PRLR: variants seen among roughly 807,000 people sequenced by gnomAD.
PRLR encodes the protein prolactin receptor.
In PRLR, 13 loss-of-function variants were observed where a neutral mutation model predicts 40.2. That is an observed-to-expected ratio of 0.32 (90% CI 0.21 to 0.51). The LOEUF (loss-of-function observed/expected upper bound fraction) is 0.51, where lower values mean the gene tolerates loss of function less well. Among genes scored for constraint, PRLR ranks in the 20% least tolerant of loss-of-function variants. The pLI, the probability that PRLR is intolerant of heterozygous loss-of-function variation, is 0.97. For missense variants in PRLR, 656 were observed against 747.3 expected (o/e 0.88, Z 1.42); for synonymous variants, 269 against 278.7 (o/e 0.97, Z 0.35).
chr5:35,162,589 G>A (rs995866774), intron 1 of PRLR, among the ~76,000 whole-genome samples: 1 of 152,204 alleles, frequency 6.6e-6, no homozygotes, highest in Admixed American at 6.5e-5. Flanking sequence ...ACTTGGGACT[G>A]CAGTCTCAGA....
intron 1 of PRLR, among the ~76,000 whole-genome samples, chr5:35,224,234 T>G (rs930955790): frequency 3.3e-5 from 5 of 152,348 alleles, no homozygotes; most frequent in Middle Eastern, 3.4e-3. Flanking sequence ...TCCCTGCATG[T>G]GTTTACATAG....
chr5:35,071,622 G>T (rs73091147), intron 6 of PRLR, among the ~76,000 whole-genome samples: 5 of 151,638 alleles, frequency 3.3e-5, no homozygotes, highest in African/African-American at 1.2e-4. Context: ...TTTTTGAGAC[G>T]GAGTCGCTCT....
intron 1 of PRLR, among the ~76,000 whole-genome samples, chr5:35,227,314 G>A (rs1415840022): frequency 6.6e-6 from 1 of 152,194 alleles, no homozygotes; most frequent in Non-Finnish European, 1.5e-5. Context: ...GGAGCACTGG[G>A]TAGTGGAAAA....
chr5:35,159,227 G>C (rs2111897715), intron 1 of PRLR, among the ~76,000 whole-genome samples: 1 of 151,022 alleles, frequency 6.6e-6, no homozygotes, highest in African/African-American at 2.4e-5. Context: ...AGTCACCACT[G>C]TGACAATTTT....
chr5:35,205,078 C>T (rs921761617), intron 1 of PRLR, among the ~76,000 whole-genome samples: 10 of 151,996 alleles, frequency 6.6e-5, no homozygotes, highest in African/African-American at 1.9e-4. Flanking sequence ...AATCGGGAAA[C>T]ATGTTATTTA....
At chr5:35,067,968 T>G (rs1388884759) in intron 9 of PRLR, among the ~76,000 whole-genome samples, 1 of 152,222 alleles carries the variant, frequency 6.6e-6, no homozygotes, top group Non-Finnish European at 1.5e-5. Flanking sequence ...GTAGATCTGA[T>G]AAATCAATAA....
chr5:35,117,424 G>T (rs752029764), intron 2 of PRLR, among the ~76,000 whole-genome samples: 8 of 152,204 alleles, frequency 5.3e-5, no homozygotes, highest in Admixed American at 6.5e-5. Context: ...AGTGGGTCCA[G>T]ATCCCATTTG....
At chr5:35,163,944 G>C (rs543961657) in intron 1 of PRLR, among the ~76,000 whole-genome samples, 22 of 152,314 alleles carry the variant, frequency 1.4e-4, no homozygotes, top group Middle Eastern at 3.4e-3. Context: ...AAAGGTACCA[G>C]GTTAAGGTAG....
At position 35,064,856 on chromosome 5, in the gene PRLR, A is replaced by T; in HGVS notation, c.*233T>A. ...AGTGTGCTTTTATTTCATTGAACACATAGTTTTATAACTAACAGCAAAAAG... is the reference window on the plus strand; with the variant it reads ...AGTGTGCTTTTATTTCATTGAACACTTAGTTTTATAACTAACAGCAAAAAG... On this transcript the variant is annotated 3_prime_UTR_variant, in exon 10 of 10. Transcript: ENST00000618457. 1.9e-6 allele frequency: 1 copy of T among 536,474 alleles called. No homozygotes were observed. 33.2% of individuals were successfully genotyped at this position (536,474 alleles called of 1,614,324 possible).
At chr5:35,080,080 A>C (rs1026028593) in intron 5 of PRLR, among the ~76,000 whole-genome samples, 3 of 152,252 alleles carry the variant, frequency 2.0e-5, no homozygotes, top group African/African-American at 7.2e-5. Context: ...AAAACCATAA[A>C]AAAATCTAGA....
chr5:35,085,850 G>T (rs937393212), intron 4 of PRLR, among the ~76,000 whole-genome samples: 1 of 152,156 alleles, frequency 6.6e-6, no homozygotes, highest in African/African-American at 2.4e-5. Context: ...TCAATATTGG[G>T]TCCATTTAAC....
chr5:35,192,497 A>G (rs1293876981), intron 1 of PRLR, among the ~76,000 whole-genome samples: 5 of 152,132 alleles, frequency 3.3e-5, no homozygotes, highest in Non-Finnish European at 7.4e-5. Context: ...CTAAGCCTAA[A>G]AAGGGTTCTG....
At chr5:35,210,877 A>C (rs962424460) in intron 1 of PRLR, among the ~76,000 whole-genome samples, 1 of 151,992 alleles carries the variant, frequency 6.6e-6, no homozygotes, top group Non-Finnish European at 1.5e-5. Flanking sequence ...TGCTCGTCTA[A>C]TTTTTTAATT....
intron 1 of PRLR, among the ~76,000 whole-genome samples, chr5:35,209,590 G>A (rs762706279): frequency 2.6e-5 from 4 of 152,144 alleles, no homozygotes; most frequent in Non-Finnish European, 4.4e-5. Context: ...TGAAAATTAT[G>A]TCTATGGAAT....
intron 5 of PRLR, among the ~76,000 whole-genome samples, chr5:35,077,711 A>G (rs1770211319): frequency 6.6e-6 from 1 of 152,190 alleles, no homozygotes; most frequent in Admixed American, 6.5e-5. Context: ...GACCTAATAG[A>G]CATCTACAGA....
rs762980564 is a variant in PRLR, at chr5:35,072,595, C to T, written c.523G>A (p.Glu175Lys). 104 of 1,613,820 alleles carry T rather than the reference C, an allele frequency of 6.4e-5. 1 individual carries two copies. The East Asian group carries it at 1.8e-3, about 28-fold the overall frequency. Reference sequence around the variant, plus strand: ...CTCACCTCCCACTCAGCTGCTTTCTCGGGTTTTAATCGAATTTCATACAGG... The same window carrying T: ...CTCACCTCCCACTCAGCTGCTTTCTTGGGTTTTAATCGAATTTCATACAGG... ...TLLYEIRLKP[E>K]KAAEWEIHFA... The change falls in exon 6 of 10, where the codon GAG becomes AAG. Residue 175 changes from glutamate to lysine, a missense_variant. Around this residue, in one of 3 missense-constraint regions of PRLR, gnomAD observed 180 missense variants for 236.8 expected, o/e 0.76. Transcript: ENST00000618457.
At chr5:35,219,901 C>T (rs983112176) in intron 1 of PRLR, among the ~76,000 whole-genome samples, 2 of 152,168 alleles carry the variant, frequency 1.3e-5, no homozygotes, top group Admixed American at 6.5e-5. Context: ...CAGGAACAAT[C>T]ATCTTGAGCA....
chr5:35,161,275 T>A (rs1377944536), intron 1 of PRLR, among the ~76,000 whole-genome samples: 1 of 152,210 alleles, frequency 6.6e-6, no homozygotes, highest in Non-Finnish European at 1.5e-5. Flanking sequence ...TTGTCGGTCC[T>A]TACTTCCCTC....
chr5:35,229,680 T>G (rs1201195086), intron 1 of PRLR, among the ~76,000 whole-genome samples: 1 of 152,040 alleles, frequency 6.6e-6, no homozygotes, highest in African/African-American at 2.4e-5. Flanking sequence ...CATCTGCCCC[T>G]ACCCCCGCTG....
Sources: allele counts gnomAD v4.1 joint callset (sites outside exome capture counted in the v4.1 genomes callset), GRCh38; gene constraint gnomAD v4.1.1; regional missense constraint gnomAD v4.1.1; transcripts MANE v1.5; gene names NCBI Gene and HGNC (gene_info 2026-07-23, HGNC 2026-07-21).